Variants in CNTN3 observed in about 807,000 individuals in gnomAD.
CNTN3 encodes the protein contactin 3.
Under a neutral mutation model 119.1 loss-of-function variants are expected in CNTN3, and 60 were observed. That is an observed-to-expected ratio of 0.50 (90% confidence interval 0.41 to 0.62). The LOEUF (loss-of-function observed/expected upper bound fraction) is 0.62, where lower values mean the gene tolerates loss of function less well. Among genes scored for constraint, CNTN3 ranks in the 20% least tolerant of loss-of-function variants. CNTN3 has a pLI of 0.00. For missense variants in CNTN3, 1,101 were observed against 1,242.4 expected, an observed-to-expected ratio of 0.89 and a Z score of 1.71; for synonymous variants, 450 against 438.7, an observed-to-expected ratio of 1.03 and a Z score of -0.32.
intron 4 of CNTN3, among the ~76,000 whole-genome samples, chr3:74,456,617 T>C (rs1033247146): frequency 1.2e-4 from 18 of 152,194 alleles, no homozygotes; most frequent in Middle Eastern, 3.4e-3. Context: ...GTACCCGACA[T>C]TCGCACAGGT....
intron 4 of CNTN3, among the ~76,000 whole-genome samples, chr3:74,482,352 C>T (rs909790806): frequency 2.0e-5 from 3 of 151,736 alleles, no homozygotes; most frequent in Non-Finnish European, 4.4e-5. Flanking sequence ...TAAAGAAAGA[C>T]GGCATCACTA....
In CNTN3 at chr3:74,295,219, A is replaced by G; in HGVS notation, c.2419T>C (p.Ser807Pro). The G allele has an allele frequency of 1.2e-6, 2 of 1,607,520 alleles. No homozygotes were observed. Among genetic ancestry groups the G allele is most frequent in the Non-Finnish European group, 1.7e-6 (2 of 1,174,030 alleles). The change falls in exon 19 of 23, where the codon TCT (serine) becomes CCT (proline). Residue 807 changes from serine to proline, a missense_variant. Physicochemically the swap from Ser to Pro is moderately conservative, Grantham distance 74. Coordinates refer to ENST00000263665, the MANE Select transcript of CNTN3 (RefSeq NM_020872.3). ...SAEEEPTVAPSQVSANSLSSS... is the reference protein window; with the variant it reads ...SAEEEPTVAPPQVSANSLSSS... ...GATAGGCTATTTGCAGAGACTTGAG[A>G]TGGGGCCACTGTAGGCTCTGTTCGG...
At chr3:74,517,777 AT>A (rs1703474762) in intron 2 of CNTN3, among the ~76,000 whole-genome samples, 1 of 151,696 alleles carries the variant, frequency 6.6e-6, no homozygotes. Context: ...TGCCCCTTTC[AT>A]TTAATTCTCC....
chr3:74,494,182 C>A (rs1021490717), intron 3 of CNTN3, among the ~76,000 whole-genome samples: 3 of 152,094 alleles, frequency 2.0e-5, no homozygotes, highest in African/African-American at 7.2e-5. Flanking sequence ...CCAGTCAGAA[C>A]ATTCCATGGC....
chr3:74,311,807 T>C (rs1053625241), intron 13 of CNTN3, among the ~76,000 whole-genome samples: 8 of 152,344 alleles, frequency 5.3e-5, no homozygotes, highest in Middle Eastern at 6.8e-3. Flanking sequence ...TTCTTAGATC[T>C]GGCAGAGAAG....
At chr3:74,308,169 C>T (rs1236630708) in intron 13 of CNTN3, among the ~76,000 whole-genome samples, 2 of 152,148 alleles carry the variant, frequency 1.3e-5, no homozygotes, top group East Asian at 1.9e-4. Flanking sequence ...AAACCTTGCC[C>T]CCACCAATGC....
intron 1 of CNTN3, among the ~76,000 whole-genome samples, chr3:74,559,394 C>A (rs1306036654): frequency 6.6e-6 from 1 of 152,126 alleles, no homozygotes; most frequent in African/African-American, 2.4e-5. Context: ...CATCCCTGCT[C>A]CTTTGGGGCC....
intron 5 of CNTN3, among the ~76,000 whole-genome samples, chr3:74,397,917 T>A (rs1286188459): frequency 2.6e-5 from 4 of 152,128 alleles, no homozygotes; most frequent in Non-Finnish European, 4.4e-5. Context: ...AAATAACAAG[T>A]AAAACAAAAT....
chr3:74,390,777 G>A (rs961658782), intron 5 of CNTN3, among the ~76,000 whole-genome samples: 10 of 152,106 alleles, frequency 6.6e-5, no homozygotes, highest in African/African-American at 1.7e-4. Context: ...CATTATAAAC[G>A]TGGTAATGGG....
chr3:74,381,947 T>G (rs1704632890), intron 5 of CNTN3, among the ~76,000 whole-genome samples: 1 of 152,122 alleles, frequency 6.6e-6, no homozygotes, highest in Admixed American at 6.6e-5. Flanking sequence ...GGTGGCTCAC[T>G]CCTGTAATAC....
At chr3:74,267,216 A>G (rs1012500193) in intron 21 of CNTN3, 50 bp downstream of exon 21, 2 of 1,159,582 alleles carry the variant, frequency 1.7e-6, no homozygotes, top group Non-Finnish European at 2.6e-6. Flanking sequence ...TTCTCTTGAA[A>G]AGTACTGCCA....
At chr3:74,350,367 A>G (rs1049959910) in intron 11 of CNTN3, among the ~76,000 whole-genome samples, 3 of 152,184 alleles carry the variant, frequency 2.0e-5, no homozygotes. Context: ...TTAAAACCAC[A>G]ATGAGATACC....
At chr3:74,390,506 C>T (rs1704872657) in intron 5 of CNTN3, among the ~76,000 whole-genome samples, 1 of 150,864 alleles carries the variant, frequency 6.6e-6, no homozygotes, top group African/African-American at 2.4e-5. Context: ...AAAAAAAAAT[C>T]AAGAAACAGA....
intron 1 of CNTN3, among the ~76,000 whole-genome samples, chr3:74,541,278 C>G (rs979988852): frequency 1.3e-5 from 2 of 152,144 alleles, no homozygotes; most frequent in South Asian, 2.1e-4. Context: ...CCCTTTTACA[C>G]TACTCAACAT....
intron 1 of CNTN3, among the ~76,000 whole-genome samples, chr3:74,557,025 CTAATA>C (rs1210682460): frequency 5.3e-5 from 8 of 151,992 alleles, no homozygotes; most frequent in African/African-American, 1.4e-4. Flanking sequence ...TTTTTGTATT[CTAATA>C]TAAGTCCCTT....
intron 1 of CNTN3, among the ~76,000 whole-genome samples, chr3:74,607,422 C>A (rs1453439695): frequency 6.6e-6 from 1 of 152,140 alleles, no homozygotes; most frequent in Non-Finnish European, 1.5e-5. Flanking sequence ...GTGACTATTT[C>A]TATGCAAGAA....
intron 1 of CNTN3, among the ~76,000 whole-genome samples, chr3:74,554,842 A>T (rs1704045413): frequency 6.6e-6 from 1 of 152,178 alleles, no homozygotes; most frequent in African/African-American, 2.4e-5. Flanking sequence ...TAAACATACA[A>T]TCGTGTCATT....
intron 11 of CNTN3, among the ~76,000 whole-genome samples, chr3:74,337,169 G>T (rs1319321993): frequency 1.3e-5 from 2 of 152,042 alleles, no homozygotes; most frequent in Non-Finnish European, 2.9e-5. Flanking sequence ...AAGAACATTT[G>T]GGTGGTCCCC....
intron 4 of CNTN3, among the ~76,000 whole-genome samples, chr3:74,468,121 T>C (rs896021699): frequency 1.3e-5 from 2 of 152,230 alleles, no homozygotes; most frequent in African/African-American, 4.8e-5. Flanking sequence ...TCACAGGACT[T>C]AGGTCTTATA....
Sources: gnomAD v4.1 joint callset for allele counts (sites outside exome capture counted in the v4.1 genomes callset) on GRCh38, gnomAD v4.1.1 for gene constraint, MANE v1.5 for transcripts, NCBI Gene and HGNC (gene_info 2026-07-23, HGNC 2026-07-21) for gene names.